Variants in SPINK8 observed in about 807,000 individuals in gnomAD.
The protein encoded by SPINK8 is serine protease inhibitor Kazal-type 8.
In SPINK8, 12 loss-of-function variants were observed where a neutral mutation model predicts 14.4. The ratio of observed to expected loss-of-function variants is 0.83; its 90% CI spans 0.53 to 1.35. The LOEUF (loss-of-function observed/expected upper bound fraction) is 1.35, where lower values mean the gene tolerates loss of function less well. SPINK8 is among the 40% of genes most tolerant of loss of function. SPINK8 has a pLI of 0.00. For synonymous variants in SPINK8, 32 were observed against 37.6 expected (o/e 0.85, Z 0.55); for missense variants, 103 against 117.0 (o/e 0.88, Z 0.55).
At chr3:48,330,368 A>G (rs2036237303) in intron 2 of SPINK8, among the ~76,000 whole-genome samples, 1 of 152,106 alleles carries the variant, frequency 6.6e-6, no homozygotes, top group Admixed American at 6.6e-5. Context: ...AAAATGCAAA[A>G]ATTAGCTGGG....
intron 6 of SPINK8, among the ~76,000 whole-genome samples, chr3:48,311,775 G>A (rs1420458964): frequency 6.6e-6 from 1 of 152,164 alleles, no homozygotes; most frequent in South Asian, 2.1e-4. Flanking sequence ...CATGCTCACT[G>A]ACTGGAAGAA....
At position 48,332,437 on chromosome 3, in the gene SPINK8, C is replaced by G. The variant is rs1360776327; in HGVS notation, c.-207G>C. 2.0e-5 allele frequency among the ~76,000 whole-genome samples: 3 copies of G among 152,220 alleles called. No homozygotes were observed. The highest frequency in any genetic ancestry group is 7.2e-5 in the African/African-American group (3 of 41,456). ...ATGCTTCCTCAATGCCTCCCTTAGT[C>G]TCTCCAGAAAGGCAGTAGGATTTTC... On this transcript the variant is annotated 5_prime_UTR_variant, in exon 2 of 8. Transcript: ENST00000434006.
intron 6 of SPINK8, among the ~76,000 whole-genome samples, chr3:48,313,434 C>G (rs1268067451): frequency 6.6e-6 from 1 of 152,144 alleles, no homozygotes; most frequent in Non-Finnish European, 1.5e-5. Context: ...ATACCATTTT[C>G]ACACCCACAA....
chr3:48,330,706 A>G (rs558808090), intron 2 of SPINK8, among the ~76,000 whole-genome samples: 1 of 151,708 alleles, frequency 6.6e-6, no homozygotes, highest in South Asian at 2.1e-4. Flanking sequence ...CCTATTTTGT[A>G]TTTTAGTGAG....
intron 4 of SPINK8, among the ~76,000 whole-genome samples, chr3:48,322,834 A>G (rs924847888): frequency 3.3e-5 from 5 of 152,194 alleles, no homozygotes; most frequent in African/African-American, 1.2e-4. Context: ...TTAATCAGTT[A>G]ATGGACATTT....
chr3:48,318,351 G>A (rs1365645541), intron 6 of SPINK8, among the ~76,000 whole-genome samples: 1 of 152,108 alleles, frequency 6.6e-6, no homozygotes, highest in South Asian at 2.1e-4. Flanking sequence ...ATATTGGCCA[G>A]GCTGGTCTCG....
intron 2 of SPINK8, among the ~76,000 whole-genome samples, chr3:48,330,441 C>T (rs1428823073): frequency 6.6e-6 from 1 of 152,118 alleles, no homozygotes; most frequent in Non-Finnish European, 1.5e-5. Flanking sequence ...ATCGCTTGAA[C>T]CCAAGAGGCA....
At chr3:48,315,743 A>AAAAAAAAAAAAAAAAAC in intron 6 of SPINK8, among the ~76,000 whole-genome samples, 1 of 150,490 alleles carries the variant, frequency 6.6e-6, no homozygotes, top group Non-Finnish European at 1.5e-5. Context: ...AAAAAAAAAA[A>AAAAAAAAAAAAAAAAAC]AGAACTGAAG....
rs147068137 is a variant in SPINK8, at chr3:48,319,940, G to A, written c.118-322C>T. Among the ~76,000 whole-genome samples the A allele has an allele frequency of 1.6e-4, 25 of 151,726 alleles. No individual in the cohort carries two copies. In the East Asian group the frequency reaches 3.1e-3, roughly 19 times the overall value. On this transcript the variant is annotated intron_variant, in intron 5 of 7. Coordinates refer to ENST00000434006, the MANE Select transcript of SPINK8 (RefSeq NM_001080525.3). ...GGGTGGATCACGAGGTCAGGAGATC[G>A]AGACCACGGTAAACCCCATCTCTAC...
chr3:48,309,859 T>C (rs1406742261), intron 7 of SPINK8, 45 bp downstream of exon 7: 6 of 1,439,586 alleles, frequency 4.2e-6, no homozygotes, highest in Non-Finnish European at 4.6e-6. Flanking sequence ...TCTTAACTTA[T>C]CTAGTTTACT....
At chr3:48,326,784 G>T (rs1490997647) in intron 4 of SPINK8, among the ~76,000 whole-genome samples, 1 of 152,016 alleles carries the variant, frequency 6.6e-6, no homozygotes, top group Non-Finnish European at 1.5e-5. Flanking sequence ...GGTGGCACAT[G>T]CATATAGTTC....
chr3:48,309,027 G>A (rs2035887173), intron 7 of SPINK8, among the ~76,000 whole-genome samples: 1 of 152,178 alleles, frequency 6.6e-6, no homozygotes, highest in South Asian at 2.1e-4. Context: ...TCTCTTTAGT[G>A]GAACTAGAGA....
At chr3:48,309,018 C>T (rs924205652) in intron 7 of SPINK8, among the ~76,000 whole-genome samples, 1 of 152,154 alleles carries the variant, frequency 6.6e-6, no homozygotes, top group African/African-American at 2.4e-5. Context: ...CTTGTGATTT[C>T]TCTTTAGTGG....
intron 6 of SPINK8, among the ~76,000 whole-genome samples, chr3:48,316,729 T>C (rs2035998882): frequency 6.6e-6 from 1 of 151,982 alleles, no homozygotes. Context: ...GCCACAATCA[T>C]GCCACTGCAC....
At chr3:48,310,328 A>G (rs1412401773) in intron 6 of SPINK8, among the ~76,000 whole-genome samples, 3 of 152,196 alleles carry the variant, frequency 2.0e-5, no homozygotes, top group Non-Finnish European at 4.4e-5. Context: ...AATAGATTAG[A>G]TATTCTGGAT....
At chr3:48,309,584 T>G (rs1420617212) in intron 7 of SPINK8, among the ~76,000 whole-genome samples, 1 of 152,220 alleles carries the variant, frequency 6.6e-6, no homozygotes, top group African/African-American at 2.4e-5. Context: ...TAATAAGACC[T>G]TCTGAGTATG....
intron 4 of SPINK8, among the ~76,000 whole-genome samples, chr3:48,326,288 T>C (rs1575346806): frequency 6.6e-6 from 1 of 152,170 alleles, no homozygotes; most frequent in Admixed American, 6.5e-5. Context: ...ATTCTTGCTG[T>C]TCCTACCTTT....
chr3:48,330,999 G>C (rs924345388), intron 2 of SPINK8, among the ~76,000 whole-genome samples: 2 of 151,958 alleles, frequency 1.3e-5, no homozygotes, highest in African/African-American at 4.8e-5. Flanking sequence ...CAATATCACA[G>C]CATGGGCTAG....
At chr3:48,319,422 C>G in intron 6 of SPINK8, 75 bp downstream of exon 6, 1 of 1,555,912 alleles carries the variant, frequency 6.4e-7, no homozygotes, top group Non-Finnish European at 8.8e-7. Flanking sequence ...AGGAAGTGGG[C>G]TGAGGTCATC....
Sources: allele counts gnomAD v4.1 joint callset (sites outside exome capture counted in the v4.1 genomes callset), GRCh38; gene constraint gnomAD v4.1.1; transcripts MANE v1.5; gene names NCBI Gene and HGNC (gene_info 2026-07-23, HGNC 2026-07-21).